Variants in SYT14 observed in about 807,000 individuals in gnomAD.
The protein encoded by SYT14 is synaptotagmin 14.
SYT14 carries 32 observed loss-of-function variants against 74.2 expected under a neutral mutation model. That is an observed-to-expected ratio of 0.43 (90% CI 0.33 to 0.58). SYT14 has a LOEUF of 0.58. Among genes scored for constraint, SYT14 ranks in the 20% least tolerant of loss-of-function variants. SYT14 has a pLI of 0.05. For synonymous variants in SYT14, 298 were observed against 337.7 expected (o/e 0.88, Z 1.29); for missense variants, 791 against 981.8 (o/e 0.81, Z 2.60).
intron 2 of SYT14, among the ~76,000 whole-genome samples, chr1:209,980,036 G>T (rs993875260): frequency 1.3e-5 from 2 of 152,184 alleles, no homozygotes; most frequent in Non-Finnish European, 2.9e-5. Flanking sequence ...TCACCATATT[G>T]TCTTCCACAA....
intron 7 of SYT14, among the ~76,000 whole-genome samples, chr1:210,140,910 C>A (rs1163674431): frequency 6.6e-6 from 1 of 152,016 alleles, no homozygotes; most frequent in East Asian, 1.9e-4. Context: ...GCTTTATAAT[C>A]AGTTTTAAAA....
chr1:210,011,054 A>G (rs2080078076), intron 2 of SYT14, among the ~76,000 whole-genome samples: 1 of 152,208 alleles, frequency 6.6e-6, no homozygotes, highest in Non-Finnish European at 1.5e-5. Context: ...GTTTTCCAAG[A>G]CATGGGAGAT....
chr1:210,071,108 C>A (rs1424150700), intron 5 of SYT14, among the ~76,000 whole-genome samples: 2 of 151,394 alleles, frequency 1.3e-5, no homozygotes, highest in African/African-American at 4.8e-5. Context: ...AGAAACATTT[C>A]ATAATCTTTC....
chr1:210,076,131 G>A (rs1197498798), intron 5 of SYT14, among the ~76,000 whole-genome samples: 4 of 152,056 alleles, frequency 2.6e-5, no homozygotes, highest in Non-Finnish European at 5.9e-5. Flanking sequence ...TCTCCACTTA[G>A]AATCTCAGAG....
exon 10 of SYT14, chr1:210,164,097 A>G (rs2083428508): frequency 2.2e-6 from 1 of 451,526 alleles, no homozygotes; most frequent in South Asian, 1.6e-5. Flanking sequence ...AACAAAATGT[A>G]TGTCAAATCA....
At chr1:210,017,539 C>A (rs963400437) in intron 4 of SYT14, among the ~76,000 whole-genome samples, 5 of 152,056 alleles carry the variant, frequency 3.3e-5, no homozygotes, top group African/African-American at 9.7e-5. Context: ...TTAATTATTT[C>A]TTTGAGAGCA....
At chr1:210,036,406 G>A (rs1170557122) in intron 5 of SYT14, among the ~76,000 whole-genome samples, 2 of 151,886 alleles carry the variant, frequency 1.3e-5, no homozygotes, top group African/African-American at 4.8e-5. Context: ...CTATTTTCCA[G>A]TTTGGATGAC....
exon 6 of SYT14, chr1:210,094,564 A>G (rs1488900557): frequency 6.2e-7 from 1 of 1,613,942 alleles, no homozygotes; most frequent in East Asian, 2.2e-5. Flanking sequence ...AGATGTTCCA[A>G]GTGACAGCAC....
intron 6 of SYT14, among the ~76,000 whole-genome samples, chr1:210,096,961 A>T (rs1393153058): frequency 6.6e-6 from 1 of 152,198 alleles, no homozygotes; most frequent in Non-Finnish European, 1.5e-5. Context: ...CACTATCTAT[A>T]GTTATCACAC....
chr1:210,156,115 C>G (rs1215805604), intron 8 of SYT14, among the ~76,000 whole-genome samples: 1 of 152,094 alleles, frequency 6.6e-6, no homozygotes, highest in African/African-American at 2.4e-5. Context: ...AAGGTGACAA[C>G]TTTTAATTTT....
At chr1:210,050,443 T>C (rs2080971580) in intron 5 of SYT14, among the ~76,000 whole-genome samples, 1 of 152,260 alleles carries the variant, frequency 6.6e-6, no homozygotes, top group Non-Finnish European at 1.5e-5. Context: ...TTTTCTGTCG[T>C]CTTCTGAGCC....
chr1:210,021,658 A>G (rs1216417756), intron 5 of SYT14, among the ~76,000 whole-genome samples: 1 of 152,200 alleles, frequency 6.6e-6, no homozygotes, highest in Non-Finnish European at 1.5e-5. Context: ...ATACTGTCTC[A>G]TTCAATATGG....
chr1:209,945,081 A>G (rs146516683), intron 1 of SYT14, among the ~76,000 whole-genome samples: 339 of 152,136 alleles, frequency 2.2e-3, no homozygotes, highest in African/African-American at 7.6e-3. Context: ...TTTTCCTGCC[A>G]GTTGTGGACT....
In SYT14 at chr1:210,122,040, G is replaced by C. The variant is rs571656380; in HGVS notation, c.2034+21579G>C. Among the ~76,000 whole-genome samples the C allele has an allele frequency of 7.4e-3, 131 of 17,614 alleles. 39 individuals are homozygous for C. Among genetic ancestry groups the C allele is most frequent in the African/African-American group, 0.072 (114 of 1,580 alleles). 11.6% of individuals were successfully genotyped at this position (17,614 alleles called of 152,430 possible). ...TCGCCCAGGCTGGAGTGCAGTGGTG[G>C]GATCTCGGCTCACTGCAAGCTCCGC... On this transcript the variant is annotated intron_variant, in intron 7 of 9. Transcript: ENST00000637265.
chr1:210,014,964 A>G (rs1338246863), intron 3 of SYT14, among the ~76,000 whole-genome samples: 1 of 151,672 alleles, frequency 6.6e-6, no homozygotes, highest in Non-Finnish European at 1.5e-5. Context: ...TAGAGTTAAA[A>G]CTGAGAAAAT....
intron 5 of SYT14, among the ~76,000 whole-genome samples, chr1:210,090,132 C>T (rs1355325745): frequency 1.3e-5 from 2 of 152,092 alleles, no homozygotes; most frequent in Admixed American, 6.5e-5. Context: ...TTTCATCTGC[C>T]ACACAGTGCA....
At chr1:210,095,780 C>CT (rs1022173535) in intron 6 of SYT14, among the ~76,000 whole-genome samples, 26 of 152,062 alleles carry the variant, frequency 1.7e-4, no homozygotes, top group Middle Eastern at 3.4e-3. Context: ...TCTGTTATTG[C>CT]TTTTTTTAGT....
intron 5 of SYT14, among the ~76,000 whole-genome samples, chr1:210,045,849 T>G (rs2080874533): frequency 6.6e-6 from 1 of 152,196 alleles, no homozygotes; most frequent in African/African-American, 2.4e-5. Context: ...TTCTAAATCT[T>G]CAGGAAATTA....
chr1:210,136,277 T>C (rs1413584222), intron 7 of SYT14, among the ~76,000 whole-genome samples: 2 of 151,968 alleles, frequency 1.3e-5, no homozygotes, highest in Non-Finnish European at 2.9e-5. Context: ...TATGCGTGCA[T>C]GTGTATGTGA....
Sources: allele counts gnomAD v4.1 joint callset (sites outside exome capture counted in the v4.1 genomes callset), GRCh38; gene constraint gnomAD v4.1.1; transcripts MANE v1.5; gene names NCBI Gene and HGNC (gene_info 2026-07-23, HGNC 2026-07-21).